SUB1: variants seen among roughly 807,000 people sequenced by gnomAD.
The protein encoded by SUB1 is activated RNA polymerase II transcriptional coactivator p15.
In SUB1, 1 loss-of-function variant was observed where a neutral mutation model predicts 16.9. That is an observed-to-expected ratio of 0.06 (90% confidence interval 0.02 to 0.28). SUB1 has a LOEUF of 0.28. SUB1 is among the 10% of genes least tolerant of loss of function. SUB1 has a pLI of 1.00. For missense variants in SUB1, 84 were observed against 145.2 expected, an observed-to-expected ratio of 0.58 and a Z score of 2.16; for synonymous variants, 51 against 46.9, an observed-to-expected ratio of 1.09 and a Z score of -0.36.
At chr5:32,590,736 C>T (rs144639299) in intron 2 of SUB1, among the ~76,000 whole-genome samples, 18,117 of 141,968 alleles carry the variant, frequency 0.13, 3,020 homozygotes, top group African/African-American at 0.39. Flanking sequence ...GCTGGGATTA[C>T]AGGCGTGTGC....
At chr5:32,598,900 C>T in intron 3 of SUB1, 61 bp from the exon 4 acceptor site, 2 of 1,294,958 alleles carry the variant, frequency 1.5e-6, no homozygotes, top group South Asian at 2.4e-5. Context: ...AATATGAATA[C>T]AATTGAAACA....
At chr5:32,595,896 T>C (rs1738949873) in intron 3 of SUB1, 1 of 152,224 alleles carries the variant, frequency 6.6e-6, no homozygotes, top group African/African-American at 2.4e-5. Context: ...ATTTCCCTCA[T>C]GTACATGTCT....
rs1023277366 is a variant in SUB1 at position 32,601,786 on chromosome 5, T to G, written c.*702T>G. 1 of 154,550 alleles carries G rather than the reference T, an allele frequency of 6.5e-6. No homozygotes were observed. Among genetic ancestry groups the G allele is most frequent in the Non-Finnish European group, 1.4e-5 (1 of 69,492 alleles). The allele number at this position is 154,550 out of a possible 1,614,324, so 9.6% of individuals were successfully genotyped here. On this transcript the variant is annotated 3_prime_UTR_variant, in exon 5 of 5. Transcript: ENST00000265073. ...GGCTTGTGTGAAAACTGAGCAGGTG[T>G]TTGTTTACCCATAGTGTTCTGTGTA...
At chr5:32,600,892 A>G (rs1363951462) in intron 4 of SUB1, 113 bp from the exon 5 acceptor site, 4 of 912,042 alleles carry the variant, frequency 4.4e-6, no homozygotes, top group Non-Finnish European at 6.9e-6. Context: ...GGTGTGAGCC[A>G]CCGCGCCCAG....
At chr5:32,586,623 A>T (rs1199111179) in intron 1 of SUB1, 1 of 152,236 alleles carries the variant, frequency 6.6e-6, no homozygotes. Context: ...GCCCCCAGGC[A>T]GTTTTTGATA....
chr5:32,600,485 A>G (rs1284983666), intron 4 of SUB1, among the ~76,000 whole-genome samples: 17 of 152,234 alleles, frequency 1.1e-4, no homozygotes, highest in Non-Finnish European at 4.4e-5. Context: ...ACTATGCAGG[A>G]TGCACTGTGG....
intron 3 of SUB1, among the ~76,000 whole-genome samples, chr5:32,592,017 G>A (rs1383481852): frequency 6.6e-6 from 1 of 152,168 alleles, no homozygotes; most frequent in Admixed American, 6.5e-5. Flanking sequence ...TGTTTCTTTA[G>A]ATTCAGAGGA....
chr5:32,602,282 A>C lies in SUB1; in HGVS notation c.*1198A>C. On this transcript the variant is annotated 3_prime_UTR_variant, in exon 5 of 5. Transcript: ENST00000265073. ...TAGGAAAAGAATGTTTATAAAGGGA[A>C]TTATAACTGAAATTAAAGGAGGCGG... 2.2e-6 allele frequency: 1 copy of C among 450,542 alleles called. No homozygotes were observed. Among genetic ancestry groups the C allele is most frequent in the Non-Finnish European group, 4.4e-6 (1 of 225,424 alleles). The allele number at this position is 450,542 out of a possible 1,614,324, so 27.9% of individuals were successfully genotyped here.
At chr5:32,587,702 C>A (rs1274041712) in intron 1 of SUB1, among the ~76,000 whole-genome samples, 1 of 151,842 alleles carries the variant, frequency 6.6e-6, no homozygotes, top group Non-Finnish European at 1.5e-5. Context: ...CCTCTGCCTC[C>A]GGTGTTGAAG....
chr5:32,588,035 C>T (rs1738718066), intron 1 of SUB1, among the ~76,000 whole-genome samples: 1 of 152,140 alleles, frequency 6.6e-6, no homozygotes, highest in Admixed American at 6.5e-5. Context: ...TTGCATAGTA[C>T]AGCTAGTTCC....
intron 4 of SUB1, among the ~76,000 whole-genome samples, chr5:32,599,952 A>G (rs962957169): frequency 4.6e-5 from 7 of 152,248 alleles, no homozygotes; most frequent in Non-Finnish European, 1.0e-4. Flanking sequence ...TATAGAAAAT[A>G]TAAAATTTCT....
chr5:32,588,245 T>C (rs1008792010), intron 1 of SUB1, among the ~76,000 whole-genome samples: 1 of 152,200 alleles, frequency 6.6e-6, no homozygotes, highest in African/African-American at 2.4e-5. Context: ...GAAAGATCCA[T>C]TGGCCTGGAG....
At chr5:32,588,440 G>T in intron 1 of SUB1, 72 bp from the exon 2 acceptor site, 1 of 1,357,538 alleles carries the variant, frequency 7.4e-7, no homozygotes, top group Admixed American at 2.2e-5. Context: ...TTTTTTCTTT[G>T]ATTGGGGGAG....
At chr5:32,600,583 T>A (rs1739090486) in intron 4 of SUB1, among the ~76,000 whole-genome samples, 1 of 151,842 alleles carries the variant, frequency 6.6e-6, no homozygotes, top group African/African-American at 2.4e-5. Context: ...TTTTCAGTAT[T>A]GTAGCATTGT....
At chr5:32,592,911 G>C (rs895713822) in intron 3 of SUB1, among the ~76,000 whole-genome samples, 1 of 152,182 alleles carries the variant, frequency 6.6e-6, no homozygotes, top group African/African-American at 2.4e-5. Flanking sequence ...AAGAGAGAGG[G>C]TGAAGGAAAA....
intron 2 of SUB1, among the ~76,000 whole-genome samples, chr5:32,589,448 C>T (rs1461270238): frequency 6.6e-6 from 1 of 152,154 alleles, no homozygotes; most frequent in African/African-American, 2.4e-5. Flanking sequence ...ATAAGGTTTT[C>T]TGAATTTTAG....
In SUB1 at chr5:32,591,425, A is replaced by C; in HGVS notation, c.73-138A>C. The C allele has an allele frequency of 3.3e-6, 4 of 1,207,938 alleles. No individual in the cohort carries two copies. In the South Asian group the frequency reaches 8.0e-5, roughly 24 times the overall value. 74.8% of individuals were successfully genotyped at this position (1,207,938 alleles called of 1,614,324 possible). ...AGATTCATAGTTTTGTTGTTGAGTGAAACTTGCTTATGTATATATTTATGA... is the reference window on the plus strand; with the variant it reads ...AGATTCATAGTTTTGTTGTTGAGTGCAACTTGCTTATGTATATATTTATGA... On this transcript the variant is annotated intron_variant, in intron 2 of 4. Coordinates refer to ENST00000265073, the MANE Select transcript of SUB1 (RefSeq NM_006713.4).
intron 3 of SUB1, chr5:32,594,495 T>C: frequency 2.5e-6 from 1 of 396,490 alleles, no homozygotes; most frequent in Non-Finnish European, 5.1e-6. Context: ...AAAATGATTA[T>C]AACTGGTCAT....
At chr5:32,599,101 T>C in intron 4 of SUB1, 32 bp downstream of exon 4, 2 of 1,552,356 alleles carry the variant, frequency 1.3e-6, no homozygotes, top group Admixed American at 1.7e-5. Flanking sequence ...TTTATTACAG[T>C]GTTAGGACTA....
Sources: allele counts gnomAD v4.1 joint callset (sites outside exome capture counted in the v4.1 genomes callset), GRCh38; gene constraint gnomAD v4.1.1; transcripts MANE v1.5; gene names NCBI Gene and HGNC (gene_info 2026-07-23, HGNC 2026-07-21).